The following SYNE3 variants were observed in gnomAD, a reference collection of about 807,000 sequenced individuals.
SYNE3 encodes the protein nesprin-3.
In SYNE3, 100 loss-of-function variants were observed where a neutral mutation model predicts 111.2. The observed-to-expected ratio is 0.90, with a 90% CI of 0.77 to 1.06. The LOEUF (loss-of-function observed/expected upper bound fraction) is 1.06, where lower values mean the gene tolerates loss of function less well. SYNE3 is among the 50% of genes least tolerant of loss of function. SYNE3 has a pLI of 0.00. For synonymous variants in SYNE3, 547 were observed against 533.9 expected, an observed-to-expected ratio of 1.02 and a Z score of -0.34; for missense variants, 1,160 against 1,240.3, an observed-to-expected ratio of 0.94 and a Z score of 0.97.
At chr14:95,472,718 A>C (rs1026290519) in intron 2 of SYNE3, among the ~76,000 whole-genome samples, 2 of 152,190 alleles carry the variant, frequency 1.3e-5, no homozygotes, top group Non-Finnish European at 2.9e-5. Context: ...CTGCAGACCC[A>C]GTAGCCAAGC....
chr14:95,441,834 G>C (rs897010251), intron 11 of SYNE3, among the ~76,000 whole-genome samples: 2 of 152,250 alleles, frequency 1.3e-5, no homozygotes, highest in Non-Finnish European at 2.9e-5. Context: ...CCTGGAAACT[G>C]GTGGGGAGGG....
At chr14:95,479,439 C>T (rs1004666761) in intron 1 of SYNE3, among the ~76,000 whole-genome samples, 1 of 152,102 alleles carries the variant, frequency 6.6e-6, no homozygotes, top group South Asian at 2.1e-4. Context: ...TTCCTTTTTA[C>T]CAAACGCACA....
intron 11 of SYNE3, 76 bp from the exon 12 acceptor site, chr14:95,440,151 G>T (rs1048484366): frequency 6.7e-7 from 1 of 1,496,334 alleles, no homozygotes; most frequent in Non-Finnish European, 8.9e-7. Flanking sequence ...CCCCCACCCT[G>T]CAGGGCTCTC....
chr14:95,489,587 TG>T (rs146229265), intron 1 of SYNE3, among the ~76,000 whole-genome samples: 6,473 of 152,254 alleles, frequency 0.043, 450 homozygotes, highest in African/African-American at 0.15. Context: ...CTACCTCGGT[TG>T]GTGCTTAGTA....
At chr14:95,481,095 C>T (rs903658220) in intron 1 of SYNE3, among the ~76,000 whole-genome samples, 4 of 152,216 alleles carry the variant, frequency 2.6e-5, no homozygotes, top group East Asian at 3.9e-4. Flanking sequence ...GTGCGTGGGG[C>T]ACAGGAGCGG....
intron 1 of SYNE3, among the ~76,000 whole-genome samples, chr14:95,508,309 A>G (rs1890600739): frequency 6.6e-6 from 1 of 152,228 alleles, no homozygotes; most frequent in Non-Finnish European, 1.5e-5. Context: ...ATGAGCTGTA[A>G]AGATGAACCA....
At chr14:95,435,253 A>G (rs1051807352) in intron 15 of SYNE3, among the ~76,000 whole-genome samples, 9 of 151,962 alleles carry the variant, frequency 5.9e-5, no homozygotes, top group African/African-American at 2.2e-4. Flanking sequence ...AAAAAAAAAG[A>G]TAAGAAAAAT....
rs753287255 is a variant in SYNE3 at position 95,443,288 on chromosome 14, C to CTT, written c.1777_1778insAA (p.Gly593GlufsTer75). 17 of 1,614,078 alleles carry CTT rather than the reference C, an allele frequency of 1.1e-5. No homozygotes were observed. The highest frequency in any genetic ancestry group is 1.7e-5 in the Admixed American group (1 of 60,004). The stretch of plus-strand genomic sequence containing the variant: ...CAAGTCCAGCCCCTCTTCCTGCAGC[C>CTT]CCTGCAGTAGAGAAGGGAACAGGTA... On this transcript the variant is annotated frameshift_variant and splice_region_variant, in exon 11 of 18. Transcript: ENST00000682763. LOFTEE classifies it high-confidence loss of function.
In SYNE3 at chr14:95,421,074, T is replaced by C. The variant is rs116995601; in HGVS notation, c.2728-3048A>G. 4.8e-3 allele frequency among the ~76,000 whole-genome samples: 732 copies of C among 152,336 alleles called. 21 individuals are homozygous for C. The East Asian group carries it at 0.074, about 15-fold the overall frequency. ...CTCTCTTGTCTGCTGCCATGTAAGATGTGCCTTTCTTCTTCTGCCATAATT... is the reference window on the plus strand; with the variant it reads ...CTCTCTTGTCTGCTGCCATGTAAGACGTGCCTTTCTTCTTCTGCCATAATT... On this transcript the variant is annotated intron_variant, in intron 17 of 17. Coordinates refer to ENST00000682763, the MANE Select transcript of SYNE3 (RefSeq NM_152592.6).
At chr14:95,456,121 T>C (rs1887425623) in intron 5 of SYNE3, 1 of 308,560 alleles carries the variant, frequency 3.2e-6, no homozygotes, top group African/African-American at 2.1e-5. Flanking sequence ...CTATTTGGAA[T>C]TGGCACCATC....
intron 17 of SYNE3, among the ~76,000 whole-genome samples, chr14:95,429,614 G>A (rs930969463): frequency 2.6e-5 from 4 of 152,130 alleles, no homozygotes; most frequent in Non-Finnish European, 4.4e-5. Flanking sequence ...GCTGAGATCC[G>A]TTAGCTCAAA....
chr14:95,439,501 G>C, intron 13 of SYNE3, 111 bp downstream of exon 13: 4 of 1,422,904 alleles, frequency 2.8e-6, no homozygotes, highest in South Asian at 1.2e-5. Flanking sequence ...CACGGCCCCT[G>C]GCTCCACACT....
rs140202507 is a variant in SYNE3, at chr14:95,476,412, C to T, written c.-14-577G>A. On this transcript the variant is annotated intron_variant, in intron 1 of 17. Coordinates refer to ENST00000682763, the MANE Select transcript of SYNE3 (RefSeq NM_152592.6). ...GCTAAAGTTACCCACTGAGCCACTC[C>T]CCTCTGACCTCTGCGCAGCACTCCT... 8.9e-4 allele frequency among the ~76,000 whole-genome samples: 135 copies of T among 152,348 alleles called. 1 individual carries two copies. The East Asian group carries it at 8.9e-3, about 10-fold the overall frequency.
rs71132351 is a variant in SYNE3 at position 95,479,224 on chromosome 14, C to CAAAAAAAAAAAAAAAAAAAAAA, written c.-14-3411_-14-3390dup. ...CAGCATAGTGAGACCTCGTCTCTAC[C>CAAAAAAAAAAAAAAAAAAAAAA]AAAAAAAAAAAAAAAAAAAAAAAAA... On this transcript the variant is annotated intron_variant, in intron 1 of 17. Transcript: ENST00000682763. 7.0e-5 allele frequency among the ~76,000 whole-genome samples: 6 copies of CAAAAAAAAAAAAAAAAAAAAAA among 86,300 alleles called. No individual in the cohort carries two copies. The Admixed American group carries it at 1.0e-3, about 15-fold the overall frequency. 56.6% of individuals were successfully genotyped at this position (86,300 alleles called of 152,430 possible).
Position 95,409,824 on chromosome 14 carries a change from G to A in SYNE3, c.*8002C>T, listed in dbSNP as rs557561137. On this transcript the variant is annotated 3_prime_UTR_variant, in exon 18 of 18. Coordinates refer to ENST00000682763, the MANE Select transcript of SYNE3 (RefSeq NM_152592.6). Reference sequence around the variant, plus strand: ...GCAGCCTGCAGGCACTGGCAATTGGGTGATGAGGGCCACCTGTGGGGTGCC... The same window carrying A: ...GCAGCCTGCAGGCACTGGCAATTGGATGATGAGGGCCACCTGTGGGGTGCC... The A allele has an allele frequency of 5.4e-4, 102 of 187,830 alleles. 1 individual carries two copies. The South Asian group carries it at 0.01, about 19-fold the overall frequency. The allele number at this position is 187,830 out of a possible 1,614,324, so 11.6% of individuals were successfully genotyped here. A position where few individuals can be genotyped will look rare whatever the true frequency, so the allele number is the denominator to read the frequency against.
intron 3 of SYNE3, among the ~76,000 whole-genome samples, chr14:95,467,348 A>G (rs928474268): frequency 1.6e-4 from 25 of 152,210 alleles, no homozygotes; most frequent in African/African-American, 6.0e-4. Context: ...CAGCGAGGTC[A>G]GGTAACTTTC....
At chr14:95,499,118 C>A (rs1048477701) in intron 1 of SYNE3, among the ~76,000 whole-genome samples, 1 of 152,214 alleles carries the variant, frequency 6.6e-6, no homozygotes, top group African/African-American at 2.4e-5. Flanking sequence ...GGGCCCTTGA[C>A]TGGCAGAGCC....
chr14:95,469,716 A>C (rs1409807694), intron 2 of SYNE3, among the ~76,000 whole-genome samples: 1 of 152,040 alleles, frequency 6.6e-6, no homozygotes, highest in Non-Finnish European at 1.5e-5. Context: ...GTCTCAAAAA[A>C]TAATATTAAA....
At chr14:95,509,857 T>C (rs1401135205) in intron 1 of SYNE3, among the ~76,000 whole-genome samples, 1 of 152,254 alleles carries the variant, frequency 6.6e-6, no homozygotes, top group African/African-American at 2.4e-5. Context: ...CGAGTTGCGT[T>C]ACACCATGAA....
Sources: gnomAD v4.1 joint callset for allele counts (sites outside exome capture counted in the v4.1 genomes callset) on GRCh38, gnomAD v4.1.1 for gene constraint, MANE v1.5 for transcripts, NCBI Gene and HGNC (gene_info 2026-07-23, HGNC 2026-07-21) for gene names.